GTPBP6: variants seen among roughly 807,000 people sequenced by gnomAD.
GTPBP6 encodes the protein putative GTP-binding protein 6.
Under a neutral mutation model 28.9 loss-of-function variants are expected in GTPBP6, and 33 were observed. That is an observed-to-expected ratio of 1.14 (90% CI 0.87 to 1.53). GTPBP6 has a LOEUF of 1.53. Ranked by LOEUF, GTPBP6 falls within the 40% of genes most tolerant of loss-of-function variation. The pLI, the probability that GTPBP6 is intolerant of heterozygous loss-of-function variation, is 0.00. For missense variants in GTPBP6, 507 were observed against 408.3 expected (o/e 1.24, Z -2.08); for synonymous variants, 231 against 192.7 (o/e 1.20, Z -1.65).
chrX:304,897 C>G, exon 10 of GTPBP6: 4 of 1,444,176 alleles, frequency 2.8e-6, no homozygotes, highest in Non-Finnish European at 3.6e-6. Flanking sequence ...GGGGCAGGTG[C>G]GGCCGTGTCA....
In GTPBP6 at chrX:314,200, T is replaced by A. The variant is rs767654503; in HGVS notation, c.707A>T (p.Asp236Val). 13 of 1,613,304 alleles carry A rather than the reference T, an allele frequency of 8.1e-6. No homozygotes were observed. The Admixed American group carries it at 1.0e-4, about 12-fold the overall frequency. ...GACTCCTCGGTACAGGTGGGCGACG[T>A]CCCTTTTCAAGTTCGACCTGGTGTG... The change falls in exon 5 of 10, where the codon GAC (aspartate) becomes GTC (valine). Residue 236 changes from aspartate (D) to valine (V), a missense_variant. Coordinates refer to ENST00000326153, the Ensembl canonical transcript of GTPBP6.
rs1569351053 is a variant in GTPBP6, at chrX:311,889, G to A, written c.917-262C>T. The stretch of plus-strand genomic sequence containing the variant: ...TGTGGACGGGTGTGCGTGTGAAGGC[G>A]TGGATGGGAGTGAGGTCGTCTGTGT... On this transcript the variant is annotated intron_variant, in intron 6 of 9. Coordinates refer to ENST00000326153, the Ensembl canonical transcript of GTPBP6. 3.0e-5 allele frequency: 18 copies of A among 602,904 alleles called. No homozygotes were observed. The East Asian group carries it at 3.3e-4, about 11-fold the overall frequency. The allele number at this position is 602,904 out of a possible 1,614,324, so 37.3% of individuals were successfully genotyped here.
chrX:315,055 G>A, intron 3 of GTPBP6, 35 bp from the exon 4 acceptor site: 1 of 398,766 alleles, frequency 2.5e-6, no homozygotes. Context: ...AAGCCACGGG[G>A]GAAGGCCGGG....
intron 6 of GTPBP6, 31 bp downstream of exon 6, chrX:312,735 C>T (rs376204329): frequency 2.5e-5 from 39 of 1,584,770 alleles, no homozygotes; most frequent in South Asian, 9.3e-5. Flanking sequence ...ACGGAGACCG[C>T]GGAAGGCCCC....
At chrX:309,342 C>T (rs1418390245) in intron 7 of GTPBP6, among the ~76,000 whole-genome samples, 1 of 152,154 alleles carries the variant, frequency 6.6e-6, no homozygotes, top group African/African-American at 2.4e-5. Flanking sequence ...AATCCACATC[C>T]ACCAGCAGCC....
At chrX:308,732 CTTT>C (rs1164566238) in intron 7 of GTPBP6, among the ~76,000 whole-genome samples, 114 of 109,472 alleles carry the variant, frequency 1.0e-3, no homozygotes, top group African/African-American at 3.5e-3. Flanking sequence ...GAAAGTTTTA[CTTT>C]TTTTTTTTTT....
exon 4 of GTPBP6, chrX:314,934 C>G: frequency 2.5e-6 from 1 of 398,750 alleles, no homozygotes; most frequent in Non-Finnish European, 4.4e-6. Flanking sequence ...GCCGGGCCTC[C>G]TTCGTGCGGG....
chrX:306,614 T>C (rs1323985860), intron 9 of GTPBP6, among the ~76,000 whole-genome samples: 2 of 148,520 alleles, frequency 1.3e-5, no homozygotes, highest in Non-Finnish European at 3.0e-5. Flanking sequence ...TTGTATGCAG[T>C]CAGAAATGTA....
intron 7 of GTPBP6, among the ~76,000 whole-genome samples, chrX:311,120 G>A (rs2070278701): frequency 6.6e-6 from 1 of 151,896 alleles, no homozygotes; most frequent in African/African-American, 2.4e-5. Flanking sequence ...CTCGCCCGGG[G>A]ACGTGGGAGG....
chrX:308,037 G>T (rs1307361108), intron 7 of GTPBP6, among the ~76,000 whole-genome samples, 157 bp from the exon 8 acceptor site: 1 of 151,900 alleles, frequency 6.6e-6, no homozygotes, highest in Non-Finnish European at 1.5e-5. Context: ...CCCAGGACGG[G>T]GGCTCCTAGA....
At chrX:311,873 G>A in intron 6 of GTPBP6, 1 of 606,170 alleles carries the variant, frequency 1.6e-6, no homozygotes, top group Admixed American at 2.8e-5. Context: ...GTGTGGACGG[G>A]TGTGCGTGTG....
exon 1 of GTPBP6, chrX:318,707 G>C: frequency 2.7e-6 from 1 of 370,630 alleles, no homozygotes. Context: ...AGGACGGCGC[G>C]GCTGCCCGCG....
intron 9 of GTPBP6, among the ~76,000 whole-genome samples, chrX:306,913 G>A (rs1174698080): frequency 1.2e-5 from 1 of 81,490 alleles, no homozygotes; most frequent in Non-Finnish European, 2.7e-5. Context: ...CACAGATTAG[G>A]CACCTGTTGT....
In GTPBP6 at chrX:312,929, A is replaced by T. The variant is rs1394492344; in HGVS notation, c.758-5T>A. ...GCAGCTGCATGAAGGATTCTCCTAA[A>T]AGACACCCGAGATGGTGAGGCGGTG... is the stretch of plus-strand genomic sequence containing the variant. On this transcript the variant is annotated splice_region_variant and splice_polypyrimidine_tract_variant and intron_variant, in intron 5 of 9. Coordinates refer to ENST00000326153, the Ensembl canonical transcript of GTPBP6. 4 of 1,609,018 alleles carry T rather than the reference A, an allele frequency of 2.5e-6. No individual in the cohort carries two copies. The highest frequency in any genetic ancestry group is 3.4e-6 in the Non-Finnish European group (4 of 1,177,150).
intron 5 of GTPBP6, 49 bp from the exon 6 acceptor site, chrX:312,973 A>G (rs1223811436): frequency 1.3e-6 from 2 of 1,561,714 alleles, no homozygotes; most frequent in Non-Finnish European, 1.7e-6. Context: ...CGGGAAAGGC[A>G]CAAGTGCGGG....
chrX:309,051 A>G (rs1487619417), intron 7 of GTPBP6, among the ~76,000 whole-genome samples: 4 of 152,130 alleles, frequency 2.6e-5, no homozygotes, highest in Admixed American at 6.6e-5. Context: ...GAGGAGTCGA[A>G]AGCGGAGTCC....
intron 5 of GTPBP6, 98 bp downstream of exon 5, chrX:314,051 AC>A (rs2070374713): frequency 8.7e-6 from 5 of 577,424 alleles, no homozygotes; most frequent in Admixed American, 2.4e-5. Flanking sequence ...CCCCAGCTGG[AC>A]CCCACCCTGT....
intron 7 of GTPBP6, among the ~76,000 whole-genome samples, chrX:311,181 C>CT (rs2070280087): frequency 1.5e-5 from 1 of 66,328 alleles, no homozygotes; most frequent in African/African-American, 6.8e-5. Flanking sequence ...GTTCCGGCCC[C>CT]GAGTTGGGTG....
At chrX:314,625 A>G (rs1279979420) in intron 4 of GTPBP6, among the ~76,000 whole-genome samples, 3 of 151,536 alleles carry the variant, frequency 2.0e-5, no homozygotes, top group Non-Finnish European at 4.4e-5. Context: ...GGCGCCCGCC[A>G]CCACGCCCGG....
Sources: gnomAD v4.1 joint callset for allele counts (sites outside exome capture counted in the v4.1 genomes callset) on GRCh38, gnomAD v4.1.1 for gene constraint, MANE v1.5 for transcripts, NCBI Gene and HGNC (gene_info 2026-07-23, HGNC 2026-07-21) for gene names.